Variants in TNIK observed in about 807,000 individuals in gnomAD.
TNIK encodes the protein TRAF2 and NCK interacting kinase.
In TNIK, 49 loss-of-function variants were observed where a neutral mutation model predicts 191.3. That is an observed-to-expected ratio of 0.26 (90% CI 0.20 to 0.32). TNIK has a LOEUF of 0.32. Among genes scored for constraint, TNIK ranks in the 10% least tolerant of loss-of-function variants. The pLI is 1.00. For synonymous variants in TNIK, 594 were observed against 600.9 expected (o/e 0.99, Z 0.17); for missense variants, 1,155 against 1,702.3 (o/e 0.68, Z 5.66).
intron 2 of TNIK, among the ~76,000 whole-genome samples, chr3:171,356,754 A>G (rs1714138746): frequency 6.6e-6 from 1 of 152,216 alleles, no homozygotes; most frequent in African/African-American, 2.4e-5. Context: ...GAAGACATTT[A>G]TAAACTCTCA....
At chr3:171,190,119 G>T (rs1027183244) in intron 6 of TNIK, among the ~76,000 whole-genome samples, 2 of 152,108 alleles carry the variant, frequency 1.3e-5, no homozygotes, top group Non-Finnish European at 2.9e-5. Context: ...CTCTATTTGG[G>T]CAGTCCCAGA....
chr3:171,226,998 C>A (rs1174531290), intron 3 of TNIK, among the ~76,000 whole-genome samples: 1 of 151,708 alleles, frequency 6.6e-6, no homozygotes, highest in Non-Finnish European at 1.5e-5. Context: ...CTCATTCATT[C>A]TATGTCTATT....
At chr3:171,240,008 G>A (rs1577217321) in intron 2 of TNIK, among the ~76,000 whole-genome samples, 1 of 152,178 alleles carries the variant, frequency 6.6e-6, no homozygotes, top group South Asian at 2.1e-4. Context: ...CTCTGGGTAG[G>A]CCTGAATGGG....
chr3:171,316,726 A>G (rs1303966177), intron 2 of TNIK, among the ~76,000 whole-genome samples: 1 of 152,022 alleles, frequency 6.6e-6, no homozygotes, highest in Non-Finnish European at 1.5e-5. Flanking sequence ...TCAAAAGGAA[A>G]AAATATATAG....
At chr3:171,197,124 T>C (rs372285697) in intron 4 of TNIK, among the ~76,000 whole-genome samples, 3 of 152,198 alleles carry the variant, frequency 2.0e-5, no homozygotes, top group East Asian at 3.8e-4. Context: ...TAGAGAAAAA[T>C]GCTGAAATAC....
chr3:171,452,004 T>C lies in TNIK; in HGVS notation c.57+8003A>G, dbSNP rs1728226238. On this transcript the variant is annotated intron_variant, in intron 1 of 32. Coordinates refer to ENST00000436636, the MANE Select transcript of TNIK (RefSeq NM_015028.4). ...AATGTATTGTTAAAGTCTACAAATT[T>C]CCTACTTGATGCATACTGCCAAGGT... Among the ~76,000 whole-genome samples the C allele has an allele frequency of 2.0e-5, 3 of 152,188 alleles. No homozygotes were observed. In the South Asian group the frequency reaches 6.2e-4, roughly 32 times the overall value.
At chr3:171,397,973 A>G (rs919559887) in intron 1 of TNIK, among the ~76,000 whole-genome samples, 6 of 152,224 alleles carry the variant, frequency 3.9e-5, no homozygotes, top group African/African-American at 1.2e-4. Context: ...ATTCTTAACC[A>G]CACTGCTGGA....
At chr3:171,393,339 C>A (rs989236384) in intron 1 of TNIK, among the ~76,000 whole-genome samples, 1 of 152,170 alleles carries the variant, frequency 6.6e-6, no homozygotes, top group Non-Finnish European at 1.5e-5. Flanking sequence ...AGGGGGAAAA[C>A]AGACAAGAAA....
At chr3:171,374,521 T>A (rs1246599142) in intron 1 of TNIK, among the ~76,000 whole-genome samples, 1 of 152,190 alleles carries the variant, frequency 6.6e-6, no homozygotes, top group Non-Finnish European at 1.5e-5. Context: ...GAAAGTTACA[T>A]ACACCAAGGA....
At chr3:171,203,215 A>G (rs868552535) in intron 4 of TNIK, among the ~76,000 whole-genome samples, 3 of 152,230 alleles carry the variant, frequency 2.0e-5, no homozygotes, top group Non-Finnish European at 4.4e-5. Context: ...CCAAGACGCT[A>G]TAACAATGTA....
chr3:171,066,374 A>G (rs776393596), intron 31 of TNIK, 48 bp from the exon 32 acceptor site: 4 of 1,610,342 alleles, frequency 2.5e-6, no homozygotes, highest in Non-Finnish European at 3.4e-6. Context: ...TAGATGGGCA[A>G]TAACTCACAG....
At chr3:171,104,628 T>G (rs1420230429) in intron 21 of TNIK, among the ~76,000 whole-genome samples, 1 of 152,098 alleles carries the variant, frequency 6.6e-6, no homozygotes, top group African/African-American at 2.4e-5. Flanking sequence ...GGCGCTCTTT[T>G]AGGTCCCTTT....
chr3:171,080,851 C>G (rs545668845), intron 27 of TNIK, among the ~76,000 whole-genome samples: 1 of 152,300 alleles, frequency 6.6e-6, no homozygotes, highest in East Asian at 1.9e-4. Context: ...AACCAAAGGC[C>G]TAGAATCCAC....
intron 2 of TNIK, among the ~76,000 whole-genome samples, chr3:171,360,185 G>A (rs1462704085): frequency 6.6e-6 from 1 of 152,088 alleles, no homozygotes; most frequent in African/African-American, 2.4e-5. Context: ...CATTCACTGA[G>A]GCAGTGAGAA....
At chr3:171,098,897 T>C (rs1723076390) in intron 22 of TNIK, among the ~76,000 whole-genome samples, 1 of 152,202 alleles carries the variant, frequency 6.6e-6, no homozygotes, top group South Asian at 2.1e-4. Context: ...AAAATACATA[T>C]ATTTACAAAT....
intron 2 of TNIK, among the ~76,000 whole-genome samples, chr3:171,229,204 G>A (rs1240365674): frequency 1.3e-5 from 2 of 152,200 alleles, no homozygotes; most frequent in African/African-American, 4.8e-5. Flanking sequence ...ACTTGACAGT[G>A]ACATATGCAG....
intron 7 of TNIK, among the ~76,000 whole-genome samples, chr3:171,179,983 A>T (rs1160804513): frequency 2.0e-5 from 3 of 152,180 alleles, no homozygotes; most frequent in African/African-American, 7.2e-5. Context: ...GAGTTTCTAT[A>T]GCGTGAAATA....
At chr3:171,291,880 C>CT (rs1751718207) in intron 2 of TNIK, among the ~76,000 whole-genome samples, 1 of 152,128 alleles carries the variant, frequency 6.6e-6, no homozygotes, top group Admixed American at 6.5e-5. Context: ...GGCTTTCATT[C>CT]TGTCCCACAG....
chr3:171,185,758 T>A (rs1737284872), intron 7 of TNIK, among the ~76,000 whole-genome samples: 1 of 152,240 alleles, frequency 6.6e-6, no homozygotes, highest in Admixed American at 6.5e-5. Context: ...TTTAAAGACA[T>A]CTTAGACACA....
Sources: allele counts gnomAD v4.1 joint callset (sites outside exome capture counted in the v4.1 genomes callset), GRCh38; gene constraint gnomAD v4.1.1; transcripts MANE v1.5; gene names NCBI Gene and HGNC (gene_info 2026-07-23, HGNC 2026-07-21).